Variants in MIDEAS observed in about 807,000 individuals in gnomAD.
The protein encoded by MIDEAS is mitotic deacetylase associated SANT domain protein.
In MIDEAS, 26 loss-of-function variants were observed where a neutral mutation model predicts 102.7. That is an observed-to-expected ratio of 0.25 (90% confidence interval 0.19 to 0.35). MIDEAS has a LOEUF of 0.35. MIDEAS is among the 10% of genes least tolerant of loss of function. The pLI is 1.00. For missense variants in MIDEAS, 1,231 were observed against 1,435.6 expected, an observed-to-expected ratio of 0.86 and a Z score of 2.30; for synonymous variants, 585 against 591.0, an observed-to-expected ratio of 0.99 and a Z score of 0.15.
At chr14:73,727,121 G>A (rs2053073042) in intron 5 of MIDEAS, 149 bp from the exon 6 acceptor site, 1 of 1,014,550 alleles carries the variant, frequency 9.9e-7, no homozygotes, top group Non-Finnish European at 1.4e-6. Context: ...GGGCTTGGGA[G>A]GACAGCCTGA....
chr14:73,766,814 A>G (rs1315918282), intron 1 of MIDEAS, among the ~76,000 whole-genome samples: 1 of 148,638 alleles, frequency 6.7e-6, no homozygotes, highest in African/African-American at 2.5e-5. Flanking sequence ...CAGCCTCCCA[A>G]AGTGCTGGGT....
At chr14:73,748,685 T>C (rs1443367702) in intron 1 of MIDEAS, among the ~76,000 whole-genome samples, 1 of 146,136 alleles carries the variant, frequency 6.8e-6, no homozygotes, top group East Asian at 2.0e-4. Context: ...AGGAGAACTA[T>C]TTGAACCTGA....
chr14:73,718,794 G>T lies in MIDEAS; in HGVS notation c.*49C>A. The T allele has an allele frequency of 7.4e-7, 1 of 1,342,974 alleles. No individual in the cohort carries two copies. Among genetic ancestry groups the T allele is most frequent in the Non-Finnish European group, 9.5e-7 (1 of 1,051,684 alleles). The allele number at this position is 1,342,974 out of a possible 1,614,324, so 83.2% of individuals were successfully genotyped here. A position where few individuals can be genotyped will look rare whatever the true frequency, so the allele number is the denominator to read the frequency against. On this transcript the variant is annotated 3_prime_UTR_variant, in exon 13 of 13. Transcript: ENST00000423556. ...CAGGGTGTCTGCGGGCGCTGGCGGC[G>T]GTGCGGGAAGGGCCGAGGCCCAGGA...
In MIDEAS at chr14:73,732,333, A is replaced by G. The variant is rs568664417; in HGVS notation, c.1750-2348T>C. Among the ~76,000 whole-genome samples the G allele has an allele frequency of 2.0e-5, 3 of 151,910 alleles. No individual in the cohort carries two copies. In the South Asian group the frequency reaches 6.2e-4, roughly 32 times the overall value. ...GACAAATAGGTTGGCAAAGAATTAA[A>G]GAGCCAAGATCTAGGTGAAAAAAAA... is the stretch of plus-strand genomic sequence containing the variant. On this transcript the variant is annotated intron_variant, in intron 3 of 12. Coordinates refer to ENST00000423556, the MANE Select transcript of MIDEAS (RefSeq NM_001367710.1).
rs1388676590 is a variant in MIDEAS at position 73,742,262 on chromosome 14, C to CA, written c.-247-2008dup. ...CCTCCAGTGGGCGCTCACACACACT[C>CA]ACGCCTCCCTTCATCACAGCCCTGT... On this transcript the variant is annotated intron_variant, in intron 1 of 12. Transcript: ENST00000423556. This position sits in a 1 kb window ranked among gnomAD's most constrained non-coding sequence, Gnocchi z 4.4. Among the ~76,000 whole-genome samples the CA allele has an allele frequency of 6.6e-6, 1 of 152,276 alleles. No homozygotes were observed. Among genetic ancestry groups the CA allele is most frequent in the Admixed American group, 6.5e-5 (1 of 15,290 alleles).
At chr14:73,732,649 G>C (rs1177578438) in intron 3 of MIDEAS, among the ~76,000 whole-genome samples, 1 of 151,392 alleles carries the variant, frequency 6.6e-6, no homozygotes, top group African/African-American at 2.4e-5. Context: ...GGCTGGGCAT[G>C]GTGGTGGGCG....
upstream of MIDEAS, among the ~76,000 whole-genome samples, chr14:73,761,348 T>C (rs1288285042): frequency 6.6e-6 from 1 of 152,118 alleles, no homozygotes; most frequent in Non-Finnish European, 1.5e-5. Flanking sequence ...CAGGCAAAAC[T>C]TGGATCTTCT....
chr14:73,770,814 G>T (rs2053636101), intron 1 of MIDEAS, among the ~76,000 whole-genome samples: 2 of 152,146 alleles, frequency 1.3e-5, no homozygotes, highest in African/African-American at 4.8e-5. Context: ...AAACCGAGCT[G>T]CTGACAACCC....
chr14:73,789,609 T>C (rs574771110), upstream of MIDEAS, among the ~76,000 whole-genome samples: 5 of 152,296 alleles, frequency 3.3e-5, no homozygotes, highest in South Asian at 2.1e-4. Flanking sequence ...TAGAGAATCA[T>C]TGGGGACCCA....
In MIDEAS at chr14:73,742,392, G is replaced by A. The variant is rs920847077; in HGVS notation, c.-247-2137C>T. 2.6e-5 allele frequency among the ~76,000 whole-genome samples: 4 copies of A among 152,212 alleles called. No homozygotes were observed. The highest frequency in any genetic ancestry group is 7.2e-5 in the African/African-American group (3 of 41,462). ...CAGTGTGAACCTGATGGAGGGGTGC[G>A]CCCCCTCCATGGGGATGGCTGCTCA... is the stretch of plus-strand genomic sequence containing the variant. On this transcript the variant is annotated intron_variant, in intron 1 of 12. Coordinates refer to ENST00000423556, the MANE Select transcript of MIDEAS (RefSeq NM_001367710.1). The surrounding 1 kb of genome is among the most constrained non-coding windows in gnomAD (Gnocchi z 4.4).
At chr14:73,779,579 T>A (rs1459188180) in intron 1 of MIDEAS, among the ~76,000 whole-genome samples, 16 of 141,632 alleles carry the variant, frequency 1.1e-4, no homozygotes, top group African/African-American at 4.2e-4. Flanking sequence ...TATTATTTTT[T>A]TTTTTTTTTG....
chr14:73,726,928 A>G lies in MIDEAS; in HGVS notation c.2207T>C (p.Met736Thr), dbSNP rs1388714375. 6.2e-7 allele frequency: 1 copy of G among 1,613,614 alleles called. No homozygotes were observed. The highest frequency in any genetic ancestry group is 2.2e-5 in the East Asian group (1 of 44,862). The part of the protein sequence containing the change: ...GSRFQAEIPL[M>T]RDRALAAADP... ...TGCAGCTGCCAGGGCACGGTCCCTCATCAAGGGGATTTCTGCCTGGAACCG... is the reference window on the plus strand; with the variant it reads ...TGCAGCTGCCAGGGCACGGTCCCTCGTCAAGGGGATTTCTGCCTGGAACCG... Residue 736 changes from methionine to threonine, a missense_variant, in exon 6 of 13, where the codon ATG (methionine) becomes ACG (threonine). Transcript: ENST00000423556.
chr14:73,739,500 G>A lies in MIDEAS; in HGVS notation c.509C>T (p.Ala170Val), dbSNP rs766252147. Reference sequence around the variant, plus strand: ...ATAGCGGTCCAGCTGTGGGCCCCCCGCTTTCTCCCGCTTCAGTGCCTCAGG... The same window carrying A: ...ATAGCGGTCCAGCTGTGGGCCCCCCACTTTCTCCCGCTTCAGTGCCTCAGG... ...NHPEALKREKAGGPQLDRYVR... is the reference protein window; with the variant it reads ...NHPEALKREKVGGPQLDRYVR... Residue 170 changes from alanine to valine, a missense_variant, in exon 2 of 13, where the codon GCG (alanine) becomes GTG (valine). Transcript: ENST00000423556. 33 of 1,613,040 alleles carry A rather than the reference G, an allele frequency of 2.0e-5. No homozygotes were observed. In the African/African-American group the frequency reaches 2.7e-4, roughly 13 times the overall value.
intron 1 of MIDEAS, among the ~76,000 whole-genome samples, chr14:73,772,837 TTTG>T (rs71112802): frequency 0.28 from 27,439 of 99,364 alleles, 3,382 homozygotes; most frequent in Non-Finnish European, 0.35. Flanking sequence ...GTGTGTGTAT[TTTG>T]TTGTTGTTGT....
chr14:73,761,765 C>T (rs1339913924), upstream of MIDEAS, among the ~76,000 whole-genome samples: 2 of 152,186 alleles, frequency 1.3e-5, no homozygotes, highest in African/African-American at 4.8e-5. Context: ...ATACAGTCTC[C>T]TGAAGAGCCC....
At position 73,739,752 on chromosome 14, in the gene MIDEAS, GCTGCTGAGGTCCGCTCAGGCCCATATA is replaced by G; in HGVS notation, c.230_256del (p.Val77_Ala85del). 4.3e-6 allele frequency: 7 copies of G among 1,613,800 alleles called. No homozygotes were observed. The highest frequency in any genetic ancestry group is 5.9e-6 in the Non-Finnish European group (7 of 1,179,936). On this transcript the variant is annotated inframe_deletion, in exon 2 of 13. Coordinates refer to ENST00000423556, the MANE Select transcript of MIDEAS (RefSeq NM_001367710.1). ...TGAGGCCACCTGCTGGGACAGCATG[GCTGCTGAGGTCCGCTCAGGCCCATATA>G]CCACAGAGTTCAGCAGGGCCAGGCT...
chr14:73,785,772 T>C (rs1394077066), intron 1 of MIDEAS, among the ~76,000 whole-genome samples: 1 of 152,144 alleles, frequency 6.6e-6, no homozygotes, highest in Non-Finnish European at 1.5e-5. Context: ...CTGGGATAGT[T>C]TTCAGGCTGC....
chr14:73,718,424 G>T lies in MIDEAS; in HGVS notation c.*419C>A. On this transcript the variant is annotated 3_prime_UTR_variant, in exon 13 of 13. Coordinates refer to ENST00000423556, the MANE Select transcript of MIDEAS (RefSeq NM_001367710.1). ...TCGAGGTCCTCTGGGGAGGAGAAAT[G>T]CTGCTCCAAAGTGGGTGAGCTTGTG... The T allele has an allele frequency of 6.4e-6, 1 of 157,326 alleles. No individual in the cohort carries two copies. Among genetic ancestry groups the T allele is most frequent in the Non-Finnish European group, 1.4e-5 (1 of 71,656 alleles). The allele number at this position is 157,326 out of a possible 1,614,324, so 9.7% of individuals were successfully genotyped here.
At chr14:73,776,110 C>A (rs1290395630) in intron 1 of MIDEAS, among the ~76,000 whole-genome samples, 1 of 151,972 alleles carries the variant, frequency 6.6e-6, no homozygotes, top group Non-Finnish European at 1.5e-5. Context: ...TCTCACCCAA[C>A]CTTGGGGAAG....
Sources: allele counts gnomAD v4.1 joint callset (sites outside exome capture counted in the v4.1 genomes callset), GRCh38; gene constraint gnomAD v4.1.1; non-coding constraint Gnocchi (gnomAD v3.1); transcripts MANE v1.5; gene names NCBI Gene and HGNC (gene_info 2026-07-23, HGNC 2026-07-21).